NRDE2: variants seen among roughly 807,000 people sequenced by gnomAD.
NRDE2 encodes NRDE-2, necessary for RNA interference, domain containing.
Under a neutral mutation model 124.2 loss-of-function variants are expected in NRDE2, and 76 were observed. The ratio of observed to expected loss-of-function variants is 0.61; its 90% CI spans 0.51 to 0.74. The LOEUF (loss-of-function observed/expected upper bound fraction) is 0.74, where lower values mean the gene tolerates loss of function less well. Ranked by LOEUF, NRDE2 falls within the 30% of genes least tolerant of loss-of-function variation. NRDE2 has a pLI of 0.00. For synonymous variants in NRDE2, 489 were observed against 528.1 expected (o/e 0.93, Z 1.01); for missense variants, 1,314 against 1,417.3 (o/e 0.93, Z 1.17).
In NRDE2 at chr14:90,312,509, G is replaced by A. The variant is rs187130409; in HGVS notation, c.442C>T (p.Arg148Cys). 190 of 1,613,954 alleles carry A rather than the reference G, an allele frequency of 1.2e-4. No homozygotes were observed. The highest frequency in any genetic ancestry group is 1.4e-4 in the Non-Finnish European group (167 of 1,179,980). The stretch of plus-strand genomic sequence containing the variant: ...TGAATGTCCTCAAGCCAAACAAAGC[G>A]ATGTCCAGTATCAGCTGCAGCATTA... ...GNNAAADTGH[R>C]FVWLEDIQAV... The change falls in exon 4 of 14, where the codon CGC (arginine) becomes TGC (cysteine). Residue 148 changes from arginine to cysteine, a missense_variant. Arg to Cys is a radical substitution (Grantham distance 180). Coordinates refer to ENST00000354366, the MANE Select transcript of NRDE2 (RefSeq NM_017970.4).
chr14:90,298,615 C>T (rs1234736897), intron 7 of NRDE2, among the ~76,000 whole-genome samples: 1 of 152,200 alleles, frequency 6.6e-6, no homozygotes, highest in East Asian at 1.9e-4. Context: ...GTGGTTTTCA[C>T]ACTCGCATGT....
At chr14:90,331,498 G>T (rs1404190708) in intron 1 of NRDE2, among the ~76,000 whole-genome samples, 1 of 152,232 alleles carries the variant, frequency 6.6e-6, no homozygotes, top group African/African-American at 2.4e-5. Context: ...TTTGCATCAA[G>T]GGTTTCCTCG....
In NRDE2 at chr14:90,303,032, G is replaced by A; in HGVS notation, c.1099C>T (p.Leu367=). 7 of 1,614,004 alleles carry A rather than the reference G, an allele frequency of 4.3e-6. No individual in the cohort carries two copies. In the South Asian group the frequency reaches 4.4e-5, roughly 10 times the overall value. The part of the protein sequence containing the change: ...RSLKLILEKK[L]AILERAIESN... ...TCAATGGCCCGCTCCAGAATGGCCA[G>A]CTTCTTCTCCAGAATGAGCTTCAGG... is the stretch of plus-strand genomic sequence containing the variant. Residue 367 remains leucine, a synonymous_variant, in exon 6 of 14, where the codon CTG becomes TTG. Transcript: ENST00000354366.
chr14:90,279,221 C>T, intron 12 of NRDE2, 88 bp from the exon 13 acceptor site: 1 of 1,020,884 alleles, frequency 9.8e-7, no homozygotes, highest in South Asian at 1.3e-5. Context: ...CGGGCACAAG[C>T]CCTCAGCTGC....
At position 90,282,642 on chromosome 14, in the gene NRDE2, G is replaced by A. The variant is rs138325176; in HGVS notation, c.3298-3509C>T. Among the ~76,000 whole-genome samples, 34 of 151,858 alleles carry A rather than the reference G, an allele frequency of 2.2e-4. No homozygotes were observed. The East Asian group carries it at 4.1e-3, about 18-fold the overall frequency. ...AATTCCTTTCCCTCCCATATTCTCC[G>A]TGGCCAAGAATAAGCTTTAATTCCT... On this transcript the variant is annotated intron_variant, in intron 12 of 13. Transcript: ENST00000354366.
chr14:90,325,305 T>C (rs116789318), intron 1 of NRDE2, among the ~76,000 whole-genome samples: 1,856 of 152,282 alleles, frequency 0.012, 40 homozygotes, highest in African/African-American at 0.041. Flanking sequence ...CTGTCAAATA[T>C]TTGATTCCCA....
At position 90,290,592 on chromosome 14, in the gene NRDE2, T is replaced by A; in HGVS notation, c.1858A>T (p.Ile620Phe). 6.2e-7 allele frequency: 1 copy of A among 1,608,474 alleles called. No homozygotes were observed. Among genetic ancestry groups the A allele is most frequent in the Non-Finnish European group, 8.5e-7 (1 of 1,177,162 alleles). Residue 620 changes from isoleucine (I) to phenylalanine (F), a missense_variant, in exon 10 of 14, where the codon ATT becomes TTT. By Grantham distance (21) the Ile-to-Phe change is conservative. Transcript: ENST00000354366. ...GAAAGTCTGATCAAAGATTGCCCAA[T>A]ATCATCAAACAACACCTGCAACAAA... ...DPERQVLFDDIGQSLIRLSSH... is the reference protein window; with the variant it reads ...DPERQVLFDDFGQSLIRLSSH...
Position 90,278,229 on chromosome 14 carries a change from T to A in NRDE2, c.*107A>T. 1 of 1,372,708 alleles carries A rather than the reference T, an allele frequency of 7.3e-7. No homozygotes were observed. 85.0% of individuals were successfully genotyped at this position (1,372,708 alleles called of 1,614,324 possible). A position where few individuals can be genotyped will look rare whatever the true frequency, so the allele number is the denominator to read the frequency against. On this transcript the variant is annotated 3_prime_UTR_variant, in exon 14 of 14. Transcript: ENST00000354366. ...ACATTATTACTATCGAGAAAGAACA[T>A]TTCAAAAGCCGAGTTCTCCTAACAC...
chr14:90,303,322 T>A (rs918442562), intron 5 of NRDE2, among the ~76,000 whole-genome samples, 197 bp from the exon 6 acceptor site: 4 of 152,258 alleles, frequency 2.6e-5, no homozygotes, highest in African/African-American at 7.2e-5. Flanking sequence ...TATCACTTAA[T>A]TATCCACTCT....
At chr14:90,298,847 A>G (rs1022830602) in intron 7 of NRDE2, among the ~76,000 whole-genome samples, 1 of 152,142 alleles carries the variant, frequency 6.6e-6, no homozygotes, top group Non-Finnish European at 1.5e-5. Context: ...GCTAATTCCT[A>G]AAGTCATGCC....
chr14:90,305,967 G>C (rs570180368), intron 4 of NRDE2, among the ~76,000 whole-genome samples: 1 of 152,236 alleles, frequency 6.6e-6, no homozygotes, highest in African/African-American at 2.4e-5. Flanking sequence ...GTATTTAGGG[G>C]GTTGTTTATT....
intron 12 of NRDE2, among the ~76,000 whole-genome samples, chr14:90,284,160 C>T (rs1892033150): frequency 2.0e-5 from 3 of 152,128 alleles, no homozygotes; most frequent in Admixed American, 2.0e-4. Context: ...CAGAGAGACA[C>T]ACCCGATGAA....
At chr14:90,287,294 C>A (rs1892134951) in intron 11 of NRDE2, among the ~76,000 whole-genome samples, 1 of 151,988 alleles carries the variant, frequency 6.6e-6, no homozygotes. Context: ...TAATGTGTCC[C>A]CCAGATTAAC....
chr14:90,272,157 G>C lies in NRDE2; in HGVS notation c.*6179C>G. On this transcript the variant is annotated 3_prime_UTR_variant, in exon 14 of 14. Transcript: ENST00000354366. This position sits in a 1 kb window ranked among gnomAD's most constrained non-coding sequence, Gnocchi z 4.5. ...GATCCACCTGCCTCGGCCTCCCAGA[G>C]TGCTGGGATTACAGGTGTGAGCCAC... 1 of 1,159,102 alleles carries C rather than the reference G, an allele frequency of 8.6e-7. No homozygotes were observed. Among genetic ancestry groups the C allele is most frequent in the Non-Finnish European group, 1.2e-6 (1 of 821,286 alleles). The allele number at this position is 1,159,102 out of a possible 1,614,324, so 71.8% of individuals were successfully genotyped here.
At chr14:90,330,598 C>T (rs972341443) in intron 1 of NRDE2, among the ~76,000 whole-genome samples, 3 of 151,884 alleles carry the variant, frequency 2.0e-5, no homozygotes, top group Non-Finnish European at 4.4e-5. Context: ...ATCGCTTGAG[C>T]TCAGGAGTTC....
chr14:90,307,680 A>C (rs541977886), intron 4 of NRDE2, among the ~76,000 whole-genome samples: 46 of 152,154 alleles, frequency 3.0e-4, no homozygotes, highest in East Asian at 3.9e-4. Context: ...TTGAGACCAT[A>C]CTGGCTAACA....
At chr14:90,292,959 G>C (rs1325254562) in intron 8 of NRDE2, 87 bp from the exon 9 acceptor site, 3 of 1,267,310 alleles carry the variant, frequency 2.4e-6, no homozygotes, top group African/African-American at 2.9e-5. Flanking sequence ...GGACTGTTGG[G>C]CACCCGCAAT....
intron 4 of NRDE2, among the ~76,000 whole-genome samples, chr14:90,311,332 G>T (rs1465336547): frequency 6.6e-6 from 1 of 152,094 alleles, no homozygotes; most frequent in Non-Finnish European, 1.5e-5. Flanking sequence ...ATATGGTTTG[G>T]CTCTGTCCCC....
chr14:90,304,306 C>A lies in NRDE2; in HGVS notation c.634G>T (p.Glu212Ter). 1 of 1,614,204 alleles carries A rather than the reference C, an allele frequency of 6.2e-7. No homozygotes were observed. Among genetic ancestry groups the A allele is most frequent in the Non-Finnish European group, 8.5e-7 (1 of 1,180,036 alleles). ...ACCTGCTTGCGTGAATGCTTCTTCT[C>A]TGTGGAAGTCCCTTCCCAAGATATG... ...QCISWEGTST[E>*]KKHSRKQVER... Residue 212 changes from glutamate (E) to a stop codon, truncating the protein, a stop_gained, in exon 5 of 14, where the codon GAG becomes TAG. Transcript: ENST00000354366. LOFTEE classifies it high-confidence loss of function.
Sources: allele counts gnomAD v4.1 joint callset (sites outside exome capture counted in the v4.1 genomes callset), GRCh38; gene constraint gnomAD v4.1.1; non-coding constraint Gnocchi (gnomAD v3.1); transcripts MANE v1.5; gene names NCBI Gene and HGNC (gene_info 2026-07-23, HGNC 2026-07-21).